PDHA1: variants seen among roughly 807,000 people sequenced by gnomAD.
The protein encoded by PDHA1 is pyruvate dehydrogenase E1 component subunit alpha, somatic form, mitochondrial.
In PDHA1, 1 loss-of-function variant was observed where a neutral mutation model predicts 33.0. That is an observed-to-expected ratio of 0.03 (90% CI 0.01 to 0.14). The LOEUF is 0.14. Ranked by LOEUF, PDHA1 falls within the 10% of genes least tolerant of loss-of-function variation. The pLI, the probability that PDHA1 is intolerant of heterozygous loss-of-function variation, is 1.00. For missense variants in PDHA1, 168 were observed against 325.1 expected, an observed-to-expected ratio of 0.52 and a Z score of 3.72; for synonymous variants, 123 against 119.2, an observed-to-expected ratio of 1.03 and a Z score of -0.21.
chrX:19,361,606 G>A lies in PDHA1; in HGVS notation c.*1953G>A, dbSNP rs746410710. On this transcript the variant is annotated 3_prime_UTR_variant, in exon 11 of 11. Coordinates refer to ENST00000422285, the MANE Select transcript of PDHA1 (RefSeq NM_000284.4). The stretch of plus-strand genomic sequence containing the variant: ...TTCTCTGTAATACCTGTAACGATTG[G>A]CAATTTGTTATATATTAGTCTAACC... 268 of 1,127,981 alleles carry A rather than the reference G, an allele frequency of 2.4e-4. 1 individual carries two copies. The South Asian group carries it at 4.8e-3, about 20-fold the overall frequency. 93.0% of individuals were successfully genotyped at this position (1,127,981 alleles called of 1,213,427 possible). A position where few individuals can be genotyped will look rare whatever the true frequency, so the allele number is the denominator to read the frequency against.
chrX:19,351,541 CT>C, intron 4 of PDHA1, 134 bp downstream of exon 4: 2 of 534,422 alleles, frequency 3.7e-6, no homozygotes, highest in Non-Finnish European at 3.1e-6. Flanking sequence ...CTTTGGTGCT[CT>C]GGTACTTCTG....
Position 19,349,880 on chromosome X carries a change from T to C in PDHA1, c.118-57T>C, listed in dbSNP as rs1436879877. 3 of 974,192 alleles carry C rather than the reference T, an allele frequency of 3.1e-6. No homozygotes were observed. In the East Asian group the frequency reaches 9.1e-5, roughly 30 times the overall value. The allele number at this position is 974,192 out of a possible 1,213,427, so 80.3% of individuals were successfully genotyped here. On this transcript the variant is annotated intron_variant, in intron 2 of 10. Transcript: ENST00000422285. Reference sequence around the variant, plus strand: ...GCAATGGAGTTAGATCTTAGAGTGGTCAACAGTGTTTGCAATGTAGTATGT... The same window carrying C: ...GCAATGGAGTTAGATCTTAGAGTGGCCAACAGTGTTTGCAATGTAGTATGT...
At chrX:19,345,747 C>G (rs772060569) in intron 1 of PDHA1, 1 of 145,710 alleles carries the variant, frequency 6.9e-6, no homozygotes, top group Non-Finnish European at 1.2e-5. Context: ...TTGCAGGGTC[C>G]CCCCCCCCCC....
chrX:19,358,149 G>A (rs988507623), intron 9 of PDHA1, among the ~76,000 whole-genome samples: 2 of 111,633 alleles, frequency 1.8e-5, no homozygotes, highest in Admixed American at 1.9e-4. Context: ...TCAATCCGTT[G>A]AAATACATCA....
chrX:19,355,816 C>A, intron 8 of PDHA1, 59 bp downstream of exon 8: 1 of 871,481 alleles, frequency 1.1e-6, no homozygotes, highest in Non-Finnish European at 1.7e-6. Context: ...CAAAGACTGC[C>A]TCCCATGTGC....
intron 6 of PDHA1, among the ~76,000 whole-genome samples, chrX:19,354,915 C>T (rs1158049953): frequency 1.8e-5 from 2 of 112,488 alleles, no homozygotes; most frequent in Admixed American, 9.4e-5. Flanking sequence ...GTGTCAAATT[C>T]GGATAATAGC....
rs1393492641 is a variant in PDHA1, at chrX:19,361,166, T to TTTCTGAC, written c.*1519_*1525dup. ...CCAGCTCTTCTCTGTCACATTCCTATTTCTGACTTCTGCCTGGCTTTCAGT... is the reference window on the plus strand; with the variant it reads ...CCAGCTCTTCTCTGTCACATTCCTATTTCTGACTTCTGACTTCTGCCTGGCTTTCAGT... On this transcript the variant is annotated 3_prime_UTR_variant, in exon 11 of 11. Transcript: ENST00000422285. 4 of 441,451 alleles carry TTTCTGAC rather than the reference T, an allele frequency of 9.1e-6. No homozygotes were observed. Among genetic ancestry groups the TTTCTGAC allele is most frequent in the Non-Finnish European group, 1.6e-5 (4 of 257,643 alleles). 36.4% of individuals were successfully genotyped at this position (441,451 alleles called of 1,213,427 possible). A position where few individuals can be genotyped will look rare whatever the true frequency, so the allele number is the denominator to read the frequency against.
chrX:19,345,925 T>C, intron 1 of PDHA1: 1 of 139,652 alleles, frequency 7.2e-6, no homozygotes, highest in South Asian at 1.9e-4. Flanking sequence ...CTTTTAAGGA[T>C]AGAACTAAAA....
rs760550662 is a variant in PDHA1 at position 19,347,433 on chromosome X, C to T, written c.58-1879C>T. Among the ~76,000 whole-genome samples the T allele has an allele frequency of 2.9e-4, 33 of 112,790 alleles. No individual in the cohort carries two copies. In the Middle Eastern group the frequency reaches 0.014, roughly 47 times the overall value. ...ATTTTTGAGATACACAGTAATGAAG[C>T]CATGGGAGAAAGTATCTAAGTAGCT... On this transcript the variant is annotated intron_variant, in intron 1 of 10. Coordinates refer to ENST00000422285, the MANE Select transcript of PDHA1 (RefSeq NM_000284.4).
intron 4 of PDHA1, among the ~76,000 whole-genome samples, chrX:19,352,530 C>G (rs896684930): frequency 1.8e-5 from 2 of 112,840 alleles, no homozygotes; most frequent in Admixed American, 9.3e-5. Flanking sequence ...GCCGCCGTGC[C>G]CGGCCCTCCT....
chrX:19,361,165 A>G lies in PDHA1; in HGVS notation c.*1512A>G. The G allele has an allele frequency of 2.3e-6, 1 of 440,553 alleles. No homozygotes were observed. The highest frequency in any genetic ancestry group is 3.9e-6 in the Non-Finnish European group (1 of 256,819). The allele number at this position is 440,553 out of a possible 1,213,427, so 36.3% of individuals were successfully genotyped here. On this transcript the variant is annotated 3_prime_UTR_variant, in exon 11 of 11. Transcript: ENST00000422285. ...GCCAGCTCTTCTCTGTCACATTCCTATTTCTGACTTCTGCCTGGCTTTCAG... is the reference window on the plus strand; with the variant it reads ...GCCAGCTCTTCTCTGTCACATTCCTGTTTCTGACTTCTGCCTGGCTTTCAG...
intron 9 of PDHA1, among the ~76,000 whole-genome samples, chrX:19,358,681 A>AAGAC (rs2063225055): frequency 1.8e-5 from 2 of 112,056 alleles, no homozygotes; most frequent in South Asian, 7.4e-4. Context: ...TTTTCTAGAA[A>AAGAC]AGACAGAAGC....
chrX:19,357,007 C>T (rs1602229086), intron 8 of PDHA1, among the ~76,000 whole-genome samples: 1 of 112,318 alleles, frequency 8.9e-6, no homozygotes, highest in Admixed American at 9.5e-5. Flanking sequence ...TGCCTGCCAA[C>T]TTTGTTACAC....
chrX:19,352,688 C>A, intron 4 of PDHA1: 2 of 198,996 alleles, frequency 1.0e-5, no homozygotes, highest in East Asian at 1.1e-4. Flanking sequence ...ATTTTCAATA[C>A]ATGTGTGGCT....
chrX:19,352,988 A>G, intron 4 of PDHA1, 94 bp from the exon 5 acceptor site: 1 of 699,438 alleles, frequency 1.4e-6, no homozygotes, highest in Non-Finnish European at 2.3e-6. Flanking sequence ...CTGTGTTCTA[A>G]TGGTTGAGCC....
At chrX:19,346,419 G>A (rs1301976651) in intron 1 of PDHA1, 6 of 332,880 alleles carry the variant, frequency 1.8e-5, no homozygotes, top group South Asian at 9.8e-5. Flanking sequence ...GGGCTCAAGC[G>A]ATCCTCCTGC....
chrX:19,352,225 CTTTTT>C (rs1237519823), intron 4 of PDHA1, among the ~76,000 whole-genome samples: 1 of 86,262 alleles, frequency 1.2e-5, no homozygotes, highest in African/African-American at 4.7e-5. Context: ...CCTCCTCCTC[CTTTTT>C]TTTTTTTTTT....
chrX:19,361,479 T>C lies in PDHA1; in HGVS notation c.*1826T>C. The C allele has an allele frequency of 2.5e-6, 3 of 1,202,532 alleles. No individual in the cohort carries two copies. The highest frequency in any genetic ancestry group is 3.4e-6 in the Non-Finnish European group (3 of 887,312). On this transcript the variant is annotated 3_prime_UTR_variant, in exon 11 of 11. Transcript: ENST00000422285. ...TGTAACAACAGCATAAGAATTTCTT[T>C]GTTGTAAATTTACCTTTTCAATTGT...
chrX:19,356,212 T>G (rs867627569), intron 8 of PDHA1, among the ~76,000 whole-genome samples: 41 of 111,890 alleles, frequency 3.7e-4, no homozygotes, highest in African/African-American at 1.3e-3. Flanking sequence ...GTCCTAAGGA[T>G]CTTTCCCTTT....
Sources: allele counts gnomAD v4.1 joint callset (sites outside exome capture counted in the v4.1 genomes callset), GRCh38; gene constraint gnomAD v4.1.1; transcripts MANE v1.5; gene names NCBI Gene and HGNC (gene_info 2026-07-23, HGNC 2026-07-21).